Variants in SLC35F4 observed in about 807,000 individuals in gnomAD.
The protein encoded by SLC35F4 is chromosome 14 open reading frame 36.
A neutral mutation model predicts 44.2 loss-of-function variants in SLC35F4; 24 were observed. The observed-to-expected ratio is 0.54, with a 90% confidence interval of 0.39 to 0.76. The LOEUF (loss-of-function observed/expected upper bound fraction) is 0.76, where lower values mean the gene tolerates loss of function less well. SLC35F4 is among the 30% of genes least tolerant of loss of function. SLC35F4 has a pLI of 0.00. For missense variants in SLC35F4, 562 were observed against 586.1 expected, an observed-to-expected ratio of 0.96 and a Z score of 0.42; for synonymous variants, 238 against 223.6, an observed-to-expected ratio of 1.06 and a Z score of -0.57.
At chr14:57,708,284 C>CCTGA (rs1248781234) in intron 1 of SLC35F4, among the ~76,000 whole-genome samples, 1 of 152,146 alleles carries the variant, frequency 6.6e-6, no homozygotes, top group African/African-American at 2.4e-5. Context: ...CCATCTCAAA[C>CCTGA]CTGACCAATC....
At chr14:57,735,739 T>TTA (rs1555379831) in intron 1 of SLC35F4, among the ~76,000 whole-genome samples, 34 of 148,676 alleles carry the variant, frequency 2.3e-4, no homozygotes, top group African/African-American at 8.1e-4. Flanking sequence ...TTTTTTTTTT[T>TTA]AAAGACAGAG....
chr14:57,658,147 T>C (rs1412345594), intron 1 of SLC35F4, among the ~76,000 whole-genome samples: 4 of 152,196 alleles, frequency 2.6e-5, no homozygotes, highest in Non-Finnish European at 1.5e-5. Context: ...AGTTATGATT[T>C]AGTGTCATCT....
intron 1 of SLC35F4, among the ~76,000 whole-genome samples, chr14:57,880,493 A>C (rs1011833715): frequency 1.3e-5 from 2 of 152,180 alleles, no homozygotes; most frequent in Non-Finnish European, 2.9e-5. Context: ...GGAATTCTTG[A>C]TACCAGATTG....
At chr14:57,967,856 T>C (rs1880928533) in intron 1 of SLC35F4, among the ~76,000 whole-genome samples, 1 of 152,190 alleles carries the variant, frequency 6.6e-6, no homozygotes, top group Admixed American at 6.5e-5. Flanking sequence ...ATGCAAAGAA[T>C]TAACAATTAG....
rs143144888 is a variant in SLC35F4 at position 57,633,431 on chromosome 14, A to G, written c.104-39307T>C. On this transcript the variant is annotated intron_variant, in intron 1 of 7. Coordinates refer to ENST00000556826, the MANE Select transcript of SLC35F4 (RefSeq NM_001306087.2). ...GTTCTGATTTTGGCCATTCTAATAG[A>G]TAAGTAATGGTATCTCATTGCTGTA... Among the ~76,000 whole-genome samples the G allele has an allele frequency of 1.4e-3, 220 of 152,266 alleles. 1 individual carries two copies. Among genetic ancestry groups the G allele is most frequent in the Middle Eastern group, 6.8e-3 (2 of 294 alleles).
chr14:57,932,352 T>C (rs1328079236), intron 1 of SLC35F4, among the ~76,000 whole-genome samples: 1 of 152,222 alleles, frequency 6.6e-6, no homozygotes, highest in Non-Finnish European at 1.5e-5. Flanking sequence ...TCATAATCTA[T>C]AGATAGTGTG....
chr14:57,783,507 G>C (rs953144452), intron 1 of SLC35F4, among the ~76,000 whole-genome samples: 4 of 152,120 alleles, frequency 2.6e-5, no homozygotes, highest in Non-Finnish European at 5.9e-5. Context: ...AAATGTAGTT[G>C]GGTTTATCAT....
intron 1 of SLC35F4, chr14:57,596,676 T>A (rs560356577): frequency 2.6e-6 from 2 of 769,508 alleles, no homozygotes; most frequent in African/African-American, 1.8e-5. Flanking sequence ...TCAAATATTG[T>A]CCATAGTTAC....
intron 1 of SLC35F4, among the ~76,000 whole-genome samples, chr14:57,944,601 T>C (rs1390350957): frequency 6.9e-6 from 1 of 145,392 alleles, no homozygotes; most frequent in Non-Finnish European, 1.5e-5. Flanking sequence ...ATGAAGTCCC[T>C]GTGAGAAAGA....
intron 1 of SLC35F4, among the ~76,000 whole-genome samples, chr14:57,695,992 C>A (rs1042687937): frequency 6.6e-6 from 1 of 152,026 alleles, no homozygotes; most frequent in Admixed American, 6.6e-5. Flanking sequence ...TAGAAGAAAA[C>A]CTAGGCAATA....
chr14:57,812,232 G>A lies in SLC35F4; in HGVS notation c.103+53491C>T, dbSNP rs140384844. 3.3e-3 allele frequency among the ~76,000 whole-genome samples: 503 copies of A among 152,230 alleles called. 1 individual carries two copies. Among genetic ancestry groups the A allele is most frequent in the African/African-American group, 0.012 (489 of 41,536 alleles). ...TTAGATCTCAACATCCAAAGCAAGT[G>A]TAAATCTGCACTACAGATAAAGTGT... is the stretch of plus-strand genomic sequence containing the variant. On this transcript the variant is annotated intron_variant, in intron 1 of 7. Coordinates refer to ENST00000556826, the MANE Select transcript of SLC35F4 (RefSeq NM_001306087.2).
chr14:57,688,640 C>T (rs2075136085), intron 1 of SLC35F4, among the ~76,000 whole-genome samples: 1 of 152,128 alleles, frequency 6.6e-6, no homozygotes, highest in Non-Finnish European at 1.5e-5. Flanking sequence ...GGTACCATCT[C>T]TTAATCTGAG....
At chr14:57,940,371 T>TA (rs1474058834) in intron 1 of SLC35F4, among the ~76,000 whole-genome samples, 1 of 152,168 alleles carries the variant, frequency 6.6e-6, no homozygotes, top group African/African-American at 2.4e-5. Context: ...AAAACAATCC[T>TA]AAAAAATAGT....
chr14:57,832,283 G>GT (rs1352855303), intron 1 of SLC35F4, among the ~76,000 whole-genome samples: 2 of 151,424 alleles, frequency 1.3e-5, no homozygotes, highest in African/African-American at 4.8e-5. Context: ...GGCTTCAAGA[G>GT]TTTAACTGCT....
chr14:57,950,079 C>A lies in SLC35F4; in HGVS notation n.282+31834G>T, dbSNP rs184519734. On this transcript the variant is annotated intron_variant and non_coding_transcript_variant, in intron 1 of 1. Coordinates refer to the SLC35F4 transcript ENST00000556568. Reference sequence around the variant, plus strand: ...TGTATTTTAACATCTAGCTCTCCAGCAAGGCCAGGGAAGTTCTCCTCAATT... The same window carrying A: ...TGTATTTTAACATCTAGCTCTCCAGAAAGGCCAGGGAAGTTCTCCTCAATT... 1.1e-4 allele frequency among the ~76,000 whole-genome samples: 17 copies of A among 152,292 alleles called. No homozygotes were observed. The East Asian group carries it at 3.1e-3, about 28-fold the overall frequency.
chr14:57,752,060 A>AG (rs2076897365), intron 1 of SLC35F4, among the ~76,000 whole-genome samples: 1 of 152,140 alleles, frequency 6.6e-6, no homozygotes. Flanking sequence ...CTCCCAGGAC[A>AG]GCTCGTCTCT....
At chr14:57,957,088 T>C (rs1217857484) in intron 1 of SLC35F4, among the ~76,000 whole-genome samples, 2 of 152,104 alleles carry the variant, frequency 1.3e-5, no homozygotes, top group Non-Finnish European at 2.9e-5. Flanking sequence ...GGCACATATA[T>C]ACCATGGAAT....
chr14:57,972,325 G>A (rs1156628393), downstream of SLC35F4, among the ~76,000 whole-genome samples: 2 of 152,162 alleles, frequency 1.3e-5, no homozygotes, highest in African/African-American at 4.8e-5. Context: ...GAGTTTGGAT[G>A]GAAGCAGAAG....
intron 1 of SLC35F4, among the ~76,000 whole-genome samples, chr14:57,803,209 G>A (rs997678050): frequency 5.9e-5 from 9 of 152,066 alleles, no homozygotes; most frequent in Admixed American, 2.0e-4. Flanking sequence ...AAAACCACAC[G>A]ATTATCTCAA....
Sources: allele counts gnomAD v4.1 joint callset (sites outside exome capture counted in the v4.1 genomes callset), GRCh38; gene constraint gnomAD v4.1.1; transcripts MANE v1.5; gene names NCBI Gene and HGNC (gene_info 2026-07-23, HGNC 2026-07-21).